ANKUB1: variants seen among roughly 807,000 people sequenced by gnomAD.
The protein encoded by ANKUB1 is protein ANKUB1.
ANKUB1 carries 42 observed loss-of-function variants against 49.3 expected under a neutral mutation model. The observed-to-expected ratio is 0.85, with a 90% CI of 0.67 to 1.10. ANKUB1 has a LOEUF of 1.10. Among genes scored for constraint, ANKUB1 ranks in the 50% least tolerant of loss-of-function variants. The pLI is 0.00. For synonymous variants in ANKUB1, 222 were observed against 231.0 expected (o/e 0.96, Z 0.35); for missense variants, 613 against 642.0 (o/e 0.95, Z 0.49).
Position 149,761,256 on chromosome 3 carries a change from T to C in ANKUB1, c.*228A>G. The stretch of plus-strand genomic sequence containing the variant: ...CCCTGTGGACAACTACTATTCTAAG[T>C]TTCTTCTGAATTCTTCCTCATATTC... On this transcript the variant is annotated 3_prime_UTR_variant, in exon 6 of 6. Transcript: ENST00000446160. 1 of 406,802 alleles carries C rather than the reference T, an allele frequency of 2.5e-6. No individual in the cohort carries two copies. The highest frequency in any genetic ancestry group is 4.3e-6 in the Non-Finnish European group (1 of 234,874). 25.2% of individuals were successfully genotyped at this position (406,802 alleles called of 1,614,324 possible).
chr3:149,766,605 A>G (rs1216992895), intron 5 of ANKUB1: 6 of 433,864 alleles, frequency 1.4e-5, no homozygotes, highest in Admixed American at 3.4e-5. Flanking sequence ...TTTGAGACCA[A>G]CCTGGGCAAC....
intron 5 of ANKUB1, among the ~76,000 whole-genome samples, chr3:149,763,471 T>C (rs942166865): frequency 1.3e-5 from 2 of 152,214 alleles, no homozygotes; most frequent in Non-Finnish European, 2.9e-5. Flanking sequence ...ATACAAGATA[T>C]GCCTTTTTAA....
chr3:149,770,712 G>A, intron 3 of ANKUB1, 38 bp from the exon 4 acceptor site: 1 of 1,313,326 alleles, frequency 7.6e-7, no homozygotes, highest in Non-Finnish European at 1.0e-6. Flanking sequence ...TTCCAGTCCA[G>A]CAGTGTGGTT....
intron 2 of ANKUB1, among the ~76,000 whole-genome samples, chr3:149,781,177 CTTTT>C (rs533761552): frequency 2.8e-3 from 419 of 152,104 alleles, no homozygotes; most frequent in Non-Finnish European, 4.9e-3. Context: ...AGAAAAGTTT[CTTTT>C]GTTTCTTTCA....
At chr3:149,762,560 G>T (rs1340386382) in intron 5 of ANKUB1, among the ~76,000 whole-genome samples, 1 of 152,060 alleles carries the variant, frequency 6.6e-6, no homozygotes, top group Non-Finnish European at 1.5e-5. Flanking sequence ...TCTAGTCCAG[G>T]TCTTTATTTT....
At chr3:149,763,889 GT>G (rs1057497598) in intron 5 of ANKUB1, 8 of 456,106 alleles carry the variant, frequency 1.8e-5, no homozygotes, top group Admixed American at 1.2e-4. Flanking sequence ...GAGAGGTTTA[GT>G]TTTATGAATC....
At chr3:149,762,397 G>A (rs759083233) in intron 5 of ANKUB1, among the ~76,000 whole-genome samples, 2 of 152,052 alleles carry the variant, frequency 1.3e-5, no homozygotes, top group Non-Finnish European at 2.9e-5. Flanking sequence ...CTAACACTTC[G>A]ATTTTGCTAT....
intron 5 of ANKUB1, among the ~76,000 whole-genome samples, chr3:149,763,040 A>G (rs1195279871): frequency 6.6e-6 from 1 of 152,206 alleles, no homozygotes; most frequent in African/African-American, 2.4e-5. Context: ...GTAACCCTGT[A>G]TAAAAGTACC....
At chr3:149,788,189 G>A (rs1718193460) in intron 2 of ANKUB1, among the ~76,000 whole-genome samples, 1 of 152,136 alleles carries the variant, frequency 6.6e-6, no homozygotes, top group African/African-American at 2.4e-5. Context: ...ATCAGCCTTG[G>A]TAACCTGAGA....
chr3:149,762,249 T>G (rs1189080508), intron 5 of ANKUB1, among the ~76,000 whole-genome samples: 1 of 152,222 alleles, frequency 6.6e-6, no homozygotes, highest in Non-Finnish European at 1.5e-5. Flanking sequence ...GTTTAAATTC[T>G]TTTATCCATG....
chr3:149,767,450 G>A lies in ANKUB1; in HGVS notation c.1212C>T (p.Ala404=). 1 of 1,551,686 alleles carries A rather than the reference G, an allele frequency of 6.4e-7. No homozygotes were observed. Among genetic ancestry groups the A allele is most frequent in the Non-Finnish European group, 8.7e-7 (1 of 1,146,990 alleles). ...AISQPDTRKQ[A]LKFHPLVNAS... is the part of the protein sequence containing the mutation. ...CATTCACCAGTGGATGAAATTTGAG[G>A]GCTTGTTTTCTTGTGTCCGGCTGTG... The change falls in exon 5 of 6, where the codon GCC becomes GCT. Residue 404 remains alanine, a synonymous_variant. Coordinates refer to ENST00000446160, the MANE Select transcript of ANKUB1 (RefSeq NM_001144960.3).
chr3:149,787,165 G>A (rs182273317), intron 2 of ANKUB1, among the ~76,000 whole-genome samples: 25 of 152,276 alleles, frequency 1.6e-4, no homozygotes, highest in Non-Finnish European at 2.8e-4. Flanking sequence ...ACCTTGGGCT[G>A]TATGGCCATT....
At chr3:149,770,767 G>A in intron 3 of ANKUB1, 93 bp from the exon 4 acceptor site, 1 of 721,948 alleles carries the variant, frequency 1.4e-6, no homozygotes, top group South Asian at 2.0e-5. Context: ...CCAAACAGAG[G>A]CTTAGCTAGA....
chr3:149,761,505 G>C lies in ANKUB1; in HGVS notation c.1614C>G (p.Asn538Lys), dbSNP rs1464503325. 17 of 1,551,410 alleles carry C rather than the reference G, an allele frequency of 1.1e-5. No individual in the cohort carries two copies. The highest frequency in any genetic ancestry group is 1.5e-5 in the Non-Finnish European group (17 of 1,146,784). ...TTRGGLTACE[N>K]SLETVL is the part of the protein sequence containing the mutation. Reference sequence around the variant, plus strand: ...CTTTTCAAAGCACAGTTTCTAGAGAGTTTTCACACGCTGTCAGACCTCCTC... The same window carrying C: ...CTTTTCAAAGCACAGTTTCTAGAGACTTTTCACACGCTGTCAGACCTCCTC... Residue 538 changes from asparagine to lysine, a missense_variant, in exon 6 of 6, where the codon AAC (asparagine) becomes AAG (lysine). Coordinates refer to ENST00000446160, the MANE Select transcript of ANKUB1 (RefSeq NM_001144960.3).
intron 2 of ANKUB1, among the ~76,000 whole-genome samples, chr3:149,787,620 G>A (rs1718166276): frequency 6.6e-6 from 1 of 152,152 alleles, no homozygotes; most frequent in South Asian, 2.1e-4. Context: ...AATAGGAGTG[G>A]TGAGAATACA....
At chr3:149,765,881 A>G (rs578146568) in intron 5 of ANKUB1, among the ~76,000 whole-genome samples, 3 of 152,186 alleles carry the variant, frequency 2.0e-5, no homozygotes, top group Non-Finnish European at 4.4e-5. Flanking sequence ...TCTATTGTCA[A>G]CCTCACTCTG....
Position 149,770,560 on chromosome 3 carries a change from TTG to T in ANKUB1, c.564_565del (p.Lys189ValfsTer17), listed in dbSNP as rs1441650033. 1 of 1,536,628 alleles carries T rather than the reference TTG, an allele frequency of 6.5e-7. No individual in the cohort carries two copies. Among genetic ancestry groups the T allele is most frequent in the Non-Finnish European group, 8.8e-7 (1 of 1,135,964 alleles). On this transcript the variant is annotated frameshift_variant and splice_region_variant, in exon 4 of 6. Transcript: ENST00000446160. LOFTEE classifies it high-confidence loss of function. Reference sequence around the variant, plus strand: ...TTAATTTAAAATTAATTTCTCATACTTGAGTACTGGTCCTTCTTTTGATAAGT... The same window carrying T: ...TTAATTTAAAATTAATTTCTCATACTAGTACTGGTCCTTCTTTTGATAAGT...
intron 2 of ANKUB1, among the ~76,000 whole-genome samples, chr3:149,780,888 G>A (rs1334363144): frequency 2.0e-5 from 3 of 152,160 alleles, no homozygotes; most frequent in African/African-American, 7.2e-5. Context: ...ACTGAGTTGA[G>A]AGTGGGAGGG....
At chr3:149,781,089 G>A (rs1373548618) in intron 2 of ANKUB1, among the ~76,000 whole-genome samples, 1 of 149,646 alleles carries the variant, frequency 6.7e-6, no homozygotes, top group African/African-American at 2.5e-5. Context: ...GCCTCCCATA[G>A]TGTTGGGATT....
Sources: gnomAD v4.1 joint callset for allele counts (sites outside exome capture counted in the v4.1 genomes callset) on GRCh38, gnomAD v4.1.1 for gene constraint, MANE v1.5 for transcripts, NCBI Gene and HGNC (gene_info 2026-07-23, HGNC 2026-07-21) for gene names.